Variants in XYLT1 observed in about 807,000 individuals in gnomAD.
XYLT1 encodes the protein beta-D-xylosyltransferase 1.
A neutral mutation model predicts 91.3 loss-of-function variants in XYLT1; 36 were observed. That is an observed-to-expected ratio of 0.39 (90% CI 0.30 to 0.52). XYLT1 has a LOEUF of 0.52. XYLT1 is among the 20% of genes least tolerant of loss of function. The pLI, the probability that XYLT1 is intolerant of heterozygous loss-of-function variation, is 0.68. For missense variants in XYLT1, 1,242 were observed against 1,284.5 expected (o/e 0.97, Z 0.51); for synonymous variants, 588 against 532.0 (o/e 1.11, Z -1.45).
At position 17,398,065 on chromosome 16, in the gene XYLT1, T is replaced by C. The variant is rs115047040; in HGVS notation, c.364-40015A>G. Among the ~76,000 whole-genome samples, 651 of 152,090 alleles carry C rather than the reference T, an allele frequency of 4.3e-3. 5 individuals carry two copies. Among genetic ancestry groups the C allele is most frequent in the African/African-American group, 0.015 (630 of 41,490 alleles). ...TCAAACTGCTGATCTCGTGAACAGC[T>C]CTTTCACATATACGAGTCCAGATTG... On this transcript the variant is annotated intron_variant, in intron 1 of 11. Coordinates refer to ENST00000261381, the MANE Select transcript of XYLT1 (RefSeq NM_022166.4).
chr16:17,277,857 A>C (rs571423241), intron 2 of XYLT1, among the ~76,000 whole-genome samples: 1 of 152,114 alleles, frequency 6.6e-6, no homozygotes, highest in South Asian at 2.1e-4. Context: ...CTTTTGTATT[A>C]CCCACTGTTC....
intron 5 of XYLT1, among the ~76,000 whole-genome samples, chr16:17,169,792 T>C (rs2031783234): frequency 6.6e-6 from 1 of 152,212 alleles, no homozygotes; most frequent in African/African-American, 2.4e-5. Flanking sequence ...GTGCACAACA[T>C]TTAGTTAACC....
At chr16:17,317,640 A>T in intron 2 of XYLT1, among the ~76,000 whole-genome samples, 1 of 150,844 alleles carries the variant, frequency 6.6e-6, no homozygotes, top group South Asian at 2.1e-4. Flanking sequence ...AAAAAAAAAA[A>T]AAAAAAAAAA....
Position 17,470,364 on chromosome 16 carries a change from A to AG in XYLT1, c.363+69dup, listed in dbSNP as rs1209233364. 17 of 1,204,872 alleles carry AG rather than the reference A, an allele frequency of 1.4e-5. No individual in the cohort carries two copies. In the Admixed American group the frequency reaches 7.4e-4, roughly 53 times the overall value. The allele number at this position is 1,204,872 out of a possible 1,614,324, so 74.6% of individuals were successfully genotyped here. ...AGTCTGATGACCGAGTTCAAGGGCT[A>AG]GGGGGGCGTGGGGTCGGGCTGCCTT... is the stretch of plus-strand genomic sequence containing the variant. On this transcript the variant is annotated intron_variant, in intron 1 of 11. Transcript: ENST00000261381.
intron 1 of XYLT1, among the ~76,000 whole-genome samples, chr16:17,364,661 T>C (rs576757403): frequency 1.3e-5 from 2 of 152,314 alleles, no homozygotes; most frequent in Admixed American, 6.5e-5. Context: ...ATGCCAAGCA[T>C]ACGAAATTCC....
chr16:17,173,058 A>AAACAAAC (rs1261019077), intron 5 of XYLT1, among the ~76,000 whole-genome samples: 2 of 144,620 alleles, frequency 1.4e-5, no homozygotes, highest in African/African-American at 5.4e-5. Flanking sequence ...AACAAACAAA[A>AAACAAAC]AAAACCAAAT....
intron 5 of XYLT1, among the ~76,000 whole-genome samples, chr16:17,168,916 G>C (rs756406928): frequency 9.9e-5 from 15 of 152,274 alleles, no homozygotes; most frequent in Admixed American, 9.2e-4. Flanking sequence ...CCTTGGCAAG[G>C]CATGCAAGGT....
At chr16:17,378,992 G>A (rs2035637353) in intron 1 of XYLT1, among the ~76,000 whole-genome samples, 1 of 152,176 alleles carries the variant, frequency 6.6e-6, no homozygotes. Flanking sequence ...CAACCACTTT[G>A]CAAAGTTACT....
chr16:17,333,922 A>C (rs1400645039), intron 2 of XYLT1, among the ~76,000 whole-genome samples: 3 of 152,140 alleles, frequency 2.0e-5, no homozygotes, highest in Non-Finnish European at 4.4e-5. Flanking sequence ...GAAGAGTATT[A>C]AGTGGTGGGT....
Position 17,106,408 on chromosome 16 carries a change from A to AATAC in XYLT1, c.*2286_*2287insGTAT, listed in dbSNP as rs1047008176. The AATAC allele has an allele frequency of 1.2e-4, 19 of 152,212 alleles. No individual in the cohort carries two copies. Among genetic ancestry groups the AATAC allele is most frequent in the African/African-American group, 4.6e-4 (19 of 41,446 alleles). The allele number at this position is 152,212 out of a possible 1,614,324, so 9.4% of individuals were successfully genotyped here. On this transcript the variant is annotated 3_prime_UTR_variant, in exon 12 of 12. Coordinates refer to ENST00000261381, the MANE Select transcript of XYLT1 (RefSeq NM_022166.4). ...AGCGCGTGGCCACCATAGAGTCTGT[A>AATAC]AAAGAGATCATAGGGGCTTTCTGAG... is the stretch of plus-strand genomic sequence containing the variant.
chr16:17,310,958 T>C (rs2034538134), intron 2 of XYLT1, among the ~76,000 whole-genome samples: 1 of 152,094 alleles, frequency 6.6e-6, no homozygotes, highest in African/African-American at 2.4e-5. Context: ...CAGACACCAT[T>C]AGAATAAAAC....
intron 3 of XYLT1, chr16:17,249,827 C>G (rs989474678): frequency 7.3e-5 from 11 of 149,748 alleles, no homozygotes; most frequent in African/African-American, 2.5e-4. Context: ...TGCCACCACA[C>G]CTGGCTAACT....
chr16:17,178,147 C>A (rs1413435754), intron 5 of XYLT1, among the ~76,000 whole-genome samples: 1 of 152,156 alleles, frequency 6.6e-6, no homozygotes, highest in African/African-American at 2.4e-5. Flanking sequence ...GGAGGACTGT[C>A]TGTGTGCAAA....
intron 6 of XYLT1, among the ~76,000 whole-genome samples, chr16:17,146,581 A>G (rs2031138469): frequency 6.6e-6 from 1 of 152,210 alleles, no homozygotes; most frequent in African/African-American, 2.4e-5. Flanking sequence ...AAGAACACAC[A>G]TTCTGAAATG....
At chr16:17,129,647 G>C (rs751892359) in intron 9 of XYLT1, among the ~76,000 whole-genome samples, 2 of 152,166 alleles carry the variant, frequency 1.3e-5, no homozygotes, top group Non-Finnish European at 2.9e-5. Flanking sequence ...TGATTTGTGA[G>C]ACTTTGGGAA....
rs1355966554 is a variant in XYLT1 at position 17,219,297 on chromosome 16, A to AAG, written c.914-18644_914-18643insCT. 3.2e-4 allele frequency among the ~76,000 whole-genome samples: 44 copies of AAG among 137,738 alleles called. 1 individual carries two copies. The highest frequency in any genetic ancestry group is 1.5e-3 in the African/African-American group (43 of 28,696). 90.4% of individuals were successfully genotyped at this position (137,738 alleles called of 152,430 possible). A position where few individuals can be genotyped will look rare whatever the true frequency, so the allele number is the denominator to read the frequency against. On this transcript the variant is annotated intron_variant, in intron 3 of 11. Coordinates refer to ENST00000261381, the MANE Select transcript of XYLT1 (RefSeq NM_022166.4). ...CTTTGTCTCAAAAAAAAAAAAAAAAAAAAAGAAAAAGAAAAAAAAAGAGAA... is the reference window on the plus strand; with the variant it reads ...CTTTGTCTCAAAAAAAAAAAAAAAAAAGAAAAGAAAAAGAAAAAAAAAGAGAA...
At chr16:17,136,548 A>C (rs959832) in intron 8 of XYLT1, among the ~76,000 whole-genome samples, 4 of 151,930 alleles carry the variant, frequency 2.6e-5, no homozygotes, top group South Asian at 2.1e-4. Context: ...GGTTACTAGC[A>C]TAGTGTCTAG....
At chr16:17,441,030 A>G (rs1428384138) in intron 1 of XYLT1, among the ~76,000 whole-genome samples, 1 of 152,142 alleles carries the variant, frequency 6.6e-6, no homozygotes, top group Non-Finnish European at 1.5e-5. Flanking sequence ...TGCCAGGCAC[A>G]CAATAAAACA....
chr16:17,387,637 G>A (rs2035762915), intron 1 of XYLT1, among the ~76,000 whole-genome samples: 1 of 152,138 alleles, frequency 6.6e-6, no homozygotes, highest in African/African-American at 2.4e-5. Context: ...GGCAGGCAAG[G>A]GAACCGCTGC....
Sources: gnomAD v4.1 joint callset for allele counts (sites outside exome capture counted in the v4.1 genomes callset) on GRCh38, gnomAD v4.1.1 for gene constraint, MANE v1.5 for transcripts, NCBI Gene and HGNC (gene_info 2026-07-23, HGNC 2026-07-21) for gene names.